Variants in CFAP70 observed in about 807,000 individuals in gnomAD.
The protein encoded by CFAP70 is cilia and flagella associated protein 70, also known as cilia- and flagella-associated protein 70.
In CFAP70, 81 loss-of-function variants were observed where a neutral mutation model predicts 137.6. The ratio of observed to expected loss-of-function variants is 0.59; its 90% CI spans 0.49 to 0.71. The LOEUF is 0.71. CFAP70 is among the 30% of genes least tolerant of loss of function. CFAP70 has a pLI of 0.00. For synonymous variants in CFAP70, 382 were observed against 423.6 expected (o/e 0.90, Z 1.20); for missense variants, 976 against 1,226.7 (o/e 0.80, Z 3.05).
At chr10:73,322,036 T>G (rs1229088391) in intron 9 of CFAP70, among the ~76,000 whole-genome samples, 1 of 152,170 alleles carries the variant, frequency 6.6e-6, no homozygotes, top group East Asian at 1.9e-4. Flanking sequence ...TGCCTGCCTC[T>G]GCCTCCCACA....
chr10:73,312,931 T>C (rs1198042392), intron 9 of CFAP70, among the ~76,000 whole-genome samples: 2 of 152,206 alleles, frequency 1.3e-5, no homozygotes, highest in African/African-American at 4.8e-5. Context: ...CTTTTAATCT[T>C]TGACACAGAA....
At chr10:73,357,475 A>G (rs1367931896) in intron 1 of CFAP70, among the ~76,000 whole-genome samples, 3 of 152,226 alleles carry the variant, frequency 2.0e-5, no homozygotes, top group Non-Finnish European at 2.9e-5. Flanking sequence ...AGTAGCAAGT[A>G]GCTTGCAGTG....
chr10:73,340,160 A>G (rs1218046974), intron 6 of CFAP70, among the ~76,000 whole-genome samples: 1 of 152,156 alleles, frequency 6.6e-6, no homozygotes, highest in African/African-American at 2.4e-5. Context: ...GGAGACCCAC[A>G]GTGGGTAGCT....
rs946969207 is a variant in CFAP70, at chr10:73,322,883, G to A, written c.912+80C>T. ...ACTGGTTCTAAATATCAGTTGCAAA[G>A]ATGTATATGCTAAAGATGTAAGTAA... On this transcript the variant is annotated intron_variant, in intron 9 of 26. Coordinates refer to ENST00000310715, the Ensembl canonical transcript of CFAP70. 5 of 1,261,822 alleles carry A rather than the reference G, an allele frequency of 4.0e-6. No homozygotes were observed. The African/African-American group carries it at 7.6e-5, about 19-fold the overall frequency. 78.2% of individuals were successfully genotyped at this position (1,261,822 alleles called of 1,614,324 possible).
At chr10:73,278,980 A>AC (rs1491216114) in intron 19 of CFAP70, 1 of 103,298 alleles carries the variant, frequency 9.7e-6, no homozygotes, top group East Asian at 4.8e-4. Flanking sequence ...ACTCCGTCTC[A>AC]AAAAAAAAAA....
chr10:73,292,981 C>T (rs2048284204), intron 16 of CFAP70, among the ~76,000 whole-genome samples: 2 of 152,030 alleles, frequency 1.3e-5, no homozygotes, highest in South Asian at 4.2e-4. Context: ...ATATATGTTC[C>T]ATTTGGAGTT....
At chr10:73,314,260 A>G (rs1002321320) in intron 9 of CFAP70, among the ~76,000 whole-genome samples, 2 of 152,224 alleles carry the variant, frequency 1.3e-5, no homozygotes, top group Non-Finnish European at 2.9e-5. Flanking sequence ...TCACAGATGT[A>G]CAGATATGTC....
chr10:73,284,737 CACATATATATATATATAT>C lies in CFAP70; in HGVS notation c.2240-6418_2240-6401del, dbSNP rs1426392070. 4.8e-4 allele frequency among the ~76,000 whole-genome samples: 29 copies of C among 60,088 alleles called. 2 individuals are homozygous for C. Among genetic ancestry groups the C allele is most frequent in the African/African-American group, 1.9e-3 (27 of 14,132 alleles). 39.4% of individuals were successfully genotyped at this position (60,088 alleles called of 152,430 possible). A position where few individuals can be genotyped will look rare whatever the true frequency, so the allele number is the denominator to read the frequency against. On this transcript the variant is annotated intron_variant, in intron 19 of 26. Coordinates refer to ENST00000310715, the Ensembl canonical transcript of CFAP70. ...AGCCTATGGGCCATATATGACCTGC[CACATATATATATATATAT>C]ATATATATATATATATATATATATA... is the stretch of plus-strand genomic sequence containing the variant.
Position 73,310,325 on chromosome 10 carries a change from T to TCA in CFAP70, c.1165-78_1165-77dup. On this transcript the variant is annotated intron_variant, in intron 11 of 26. Coordinates refer to ENST00000310715, the Ensembl canonical transcript of CFAP70. Reference sequence around the variant, plus strand: ...AAAATTTAGTAACATAAGATGATGCTCACAATATAATAAGTGAGAAAACTG... The same window carrying TCA: ...AAAATTTAGTAACATAAGATGATGCTCACACAATATAATAAGTGAGAAAACTG... 4.2e-6 allele frequency: 4 copies of TCA among 955,166 alleles called. No homozygotes were observed. The South Asian group carries it at 4.6e-5, about 11-fold the overall frequency. The allele number at this position is 955,166 out of a possible 1,614,324, so 59.2% of individuals were successfully genotyped here. A position where few individuals can be genotyped will look rare whatever the true frequency, so the allele number is the denominator to read the frequency against.
At chr10:73,309,725 C>T (rs1409433844) in intron 12 of CFAP70, among the ~76,000 whole-genome samples, 4 of 150,822 alleles carry the variant, frequency 2.7e-5, no homozygotes, top group African/African-American at 7.4e-5. Flanking sequence ...GGTGCGATCT[C>T]GGCTCACTGC....
intron 19 of CFAP70, among the ~76,000 whole-genome samples, chr10:73,287,386 C>T (rs2047807925): frequency 6.6e-6 from 1 of 152,156 alleles, no homozygotes; most frequent in African/African-American, 2.4e-5. Flanking sequence ...ACCACTGTCA[C>T]ATATGTGATT....
At chr10:73,361,768 ATT>A (rs1198101289), upstream of CFAP70, among the ~76,000 whole-genome samples, 1 of 152,188 alleles carries the variant, frequency 6.6e-6, no homozygotes, top group Non-Finnish European at 1.5e-5. Context: ...AAGTCAACAT[ATT>A]TCTGACAATA....
At chr10:73,348,163 C>T in intron 4 of CFAP70, 9 of 1,613,930 alleles carry the variant, frequency 5.6e-6, no homozygotes, top group Non-Finnish European at 7.6e-6. Context: ...TACCTTAGCA[C>T]TTGATCTAGG....
chr10:73,343,250 A>C (rs1253491458), intron 5 of CFAP70, among the ~76,000 whole-genome samples: 4 of 151,898 alleles, frequency 2.6e-5, no homozygotes, highest in African/African-American at 9.7e-5. Context: ...AAAGTCTAAA[A>C]GTGCCAGAAC....
intron 11 of CFAP70, 59 bp from the exon 13 acceptor site, chr10:73,310,308 G>T: frequency 1.6e-6 from 2 of 1,213,462 alleles, no homozygotes; most frequent in South Asian, 2.6e-5. Context: ...GAAAAATTTA[G>T]TAACATAAGA....
chr10:73,332,616 C>T (rs2052232360), intron 7 of CFAP70, among the ~76,000 whole-genome samples: 1 of 152,214 alleles, frequency 6.6e-6, no homozygotes, highest in African/African-American at 2.4e-5. Context: ...ACCACATCAA[C>T]AGAGTTTCAA....
intron 12 of CFAP70, among the ~76,000 whole-genome samples, chr10:73,305,104 G>C (rs1310001307): frequency 6.6e-6 from 1 of 152,206 alleles, no homozygotes. Flanking sequence ...AGGAAGCAGA[G>C]CAGACCTTAT....
At chr10:73,360,969 A>T (rs2054980860), upstream of CFAP70, among the ~76,000 whole-genome samples, 1 of 151,784 alleles carries the variant, frequency 6.6e-6, no homozygotes, top group Middle Eastern at 3.4e-3. Context: ...ACTTTAGGGT[A>T]CCTGAGAGCA....
intron 16 of CFAP70, among the ~76,000 whole-genome samples, chr10:73,292,398 CATG>C (rs1220502984): frequency 6.6e-6 from 1 of 152,080 alleles, no homozygotes; most frequent in African/African-American, 2.4e-5. Flanking sequence ...AAATGCACTT[CATG>C]ATGAGTGAAA....
Sources: gnomAD v4.1 joint callset for allele counts (sites outside exome capture counted in the v4.1 genomes callset) on GRCh38, gnomAD v4.1.1 for gene constraint, MANE v1.5 for transcripts, NCBI Gene and HGNC (gene_info 2026-07-23, HGNC 2026-07-21) for gene names.